The following CCDC122 variants were observed in gnomAD, a reference collection of about 807,000 sequenced individuals.
CCDC122 encodes the protein coiled-coil domain containing 122.
A neutral mutation model predicts 37.0 loss-of-function variants in CCDC122; 38 were observed. The ratio of observed to expected loss-of-function variants is 1.03; its 90% CI spans 0.79 to 1.35. The LOEUF is 1.35. Among genes scored for constraint, CCDC122 ranks in the 40% most tolerant of loss-of-function variants. CCDC122 has a pLI of 0.00. For missense variants in CCDC122, 305 were observed against 310.0 expected (o/e 0.98, Z 0.12); for synonymous variants, 83 against 95.6 (o/e 0.87, Z 0.77).
intron 2 of CCDC122, among the ~76,000 whole-genome samples, chr13:43,871,153 C>T (rs996092623): frequency 2.0e-5 from 3 of 152,076 alleles, no homozygotes; most frequent in African/African-American, 7.2e-5. Context: ...TTCAAGGGTC[C>T]ACTATATTTT....
chr13:43,852,668 C>A (rs4942249), intron 6 of CCDC122, among the ~76,000 whole-genome samples: 30,044 of 151,438 alleles, frequency 0.2, 3,040 homozygotes, highest in African/African-American at 0.24. Flanking sequence ...GAATAGCATC[C>A]CCAAGATGCA....
intron 6 of CCDC122, chr13:43,848,864 T>G: frequency 1.0e-6 from 1 of 975,658 alleles, no homozygotes; most frequent in Non-Finnish European, 1.2e-6. Flanking sequence ...AACAAGGCCA[T>G]GGCTAAAGAT....
intron 6 of CCDC122, among the ~76,000 whole-genome samples, chr13:43,852,472 A>T (rs533999849): frequency 6.6e-6 from 1 of 152,250 alleles, no homozygotes; most frequent in East Asian, 1.9e-4. Context: ...AACCTCTGAG[A>T]AATATTGAAT....
chr13:43,832,470 G>A (rs1953098866), downstream of CCDC122, among the ~76,000 whole-genome samples: 1 of 152,032 alleles, frequency 6.6e-6, no homozygotes. Context: ...AGTTTTAATT[G>A]CAATGTCCTA....
At chr13:43,876,112 T>A (rs571359355) in intron 1 of CCDC122, among the ~76,000 whole-genome samples, 1 of 152,156 alleles carries the variant, frequency 6.6e-6, no homozygotes, top group Non-Finnish European at 1.5e-5. Context: ...CACCAAAATG[T>A]GCAAGGTGCT....
In CCDC122 at chr13:43,868,798, G is replaced by T; in HGVS notation, c.52C>A (p.Gln18Lys). 2.0e-6 allele frequency: 3 copies of T among 1,468,648 alleles called. No homozygotes were observed. Among genetic ancestry groups the T allele is most frequent in the Non-Finnish European group, 2.7e-6 (3 of 1,102,400 alleles). The allele number at this position is 1,468,648 out of a possible 1,614,324, so 91.0% of individuals were successfully genotyped here. The change falls in exon 4 of 7, where the codon CAA (glutamine) becomes AAA (lysine). Residue 18 changes from glutamine (Q) to lysine (K), a missense_variant. Physicochemically the swap from Gln to Lys is moderately conservative, Grantham distance 53. Transcript: ENST00000444614. ...KSQGFPKEDNQDTSSLADAVE... is the reference protein window; with the variant it reads ...KSQGFPKEDNKDTSSLADAVE... Reference sequence around the variant, plus strand: ...GCATCAGCTAATGAACTTGTGTCTTGGTTATCTACAATTAGACAAAAGAAT... The same window carrying T: ...GCATCAGCTAATGAACTTGTGTCTTTGTTATCTACAATTAGACAAAAGAAT...
chr13:43,865,815 C>A (rs1954256841), intron 4 of CCDC122, among the ~76,000 whole-genome samples: 1 of 152,120 alleles, frequency 6.6e-6, no homozygotes, highest in African/African-American at 2.4e-5. Flanking sequence ...TTTGTCCTTA[C>A]CATAGATCTT....
chr13:43,850,399 C>T (rs955214588), intron 6 of CCDC122, among the ~76,000 whole-genome samples: 4 of 152,070 alleles, frequency 2.6e-5, no homozygotes, highest in Non-Finnish European at 4.4e-5. Context: ...AAGCCTCTGT[C>T]ATAAAAATGC....
In CCDC122 at chr13:43,876,088, A is replaced by G. The variant is rs149307480; in HGVS notation, c.-199-1161T>C. ...ACACCTGAAGTCACCAGACAACAGA[A>G]GAGGTAAGTGAACCACCAAAATGTG... is the stretch of plus-strand genomic sequence containing the variant. On this transcript the variant is annotated intron_variant, in intron 1 of 6. Transcript: ENST00000444614. Among the ~76,000 whole-genome samples, 29 of 152,338 alleles carry G rather than the reference A, an allele frequency of 1.9e-4. 1 individual carries two copies. The highest frequency in any genetic ancestry group is 4.3e-4 in the Non-Finnish European group (29 of 68,036).
downstream of CCDC122, among the ~76,000 whole-genome samples, chr13:43,832,471 C>A (rs1953098881): frequency 6.6e-6 from 1 of 152,058 alleles, no homozygotes. Context: ...GTTTTAATTG[C>A]AATGTCCTAT....
At chr13:43,833,489 G>A (rs1354909649), downstream of CCDC122, among the ~76,000 whole-genome samples, 1 of 152,154 alleles carries the variant, frequency 6.6e-6, no homozygotes, top group Non-Finnish European at 1.5e-5. Context: ...TGAGAACCTT[G>A]GAAGAATCCA....
intron 6 of CCDC122, among the ~76,000 whole-genome samples, chr13:43,857,900 C>T (rs1170784033): frequency 6.6e-6 from 1 of 151,974 alleles, no homozygotes; most frequent in Non-Finnish European, 1.5e-5. Context: ...AAGACTCCGT[C>T]TCAAAAATAA....
At chr13:43,859,397 G>A (rs540493289) in intron 5 of CCDC122, among the ~76,000 whole-genome samples, 21 of 152,154 alleles carry the variant, frequency 1.4e-4, no homozygotes, top group Admixed American at 1.2e-3. Context: ...TACAACAAAT[G>A]GATTAATTGT....
chr13:43,837,804 T>C (rs1487882623), intron 6 of CCDC122, among the ~76,000 whole-genome samples: 2 of 152,206 alleles, frequency 1.3e-5, no homozygotes, highest in Non-Finnish European at 2.9e-5. Context: ...GAATACCTTC[T>C]TGTTAAGAGA....
downstream of CCDC122, among the ~76,000 whole-genome samples, chr13:43,833,816 A>C (rs1953113361): frequency 6.6e-6 from 1 of 152,188 alleles, no homozygotes; most frequent in Non-Finnish European, 1.5e-5. Context: ...ATGCAGAAAA[A>C]AAACGAAGAA....
chr13:43,869,239 T>A lies in CCDC122; in HGVS notation c.46+92A>T, dbSNP rs1265295895. 4.3e-6 allele frequency: 4 copies of A among 925,560 alleles called. No individual in the cohort carries two copies. The East Asian group carries it at 9.8e-5, about 23-fold the overall frequency. 57.3% of individuals were successfully genotyped at this position (925,560 alleles called of 1,614,324 possible). On this transcript the variant is annotated intron_variant, in intron 3 of 6. Transcript: ENST00000444614. ...TGTAACTGCTTCCATCTATTCTAAT[T>A]TGCTATCAATTTTAACACAATTATC... is the stretch of plus-strand genomic sequence containing the variant.
chr13:43,846,754 C>T (rs1314970325), intron 6 of CCDC122, among the ~76,000 whole-genome samples: 3 of 152,124 alleles, frequency 2.0e-5, no homozygotes, highest in African/African-American at 7.2e-5. Flanking sequence ...TTTTATCCCT[C>T]GTGTGTGCAG....
chr13:43,845,171 A>T (rs1294516773), intron 6 of CCDC122, among the ~76,000 whole-genome samples: 1 of 152,122 alleles, frequency 6.6e-6, no homozygotes, highest in Non-Finnish European at 1.5e-5. Flanking sequence ...ATTTTAATAT[A>T]TTCTCTTAAC....
chr13:43,820,405 A>G (rs2153867276), downstream of CCDC122, among the ~76,000 whole-genome samples: 1 of 152,316 alleles, frequency 6.6e-6, no homozygotes, highest in East Asian at 1.9e-4. Context: ...GTATGAGACA[A>G]CTTGACACTC....
Sources: allele counts gnomAD v4.1 joint callset (sites outside exome capture counted in the v4.1 genomes callset), GRCh38; gene constraint gnomAD v4.1.1; transcripts MANE v1.5; gene names NCBI Gene and HGNC (gene_info 2026-07-23, HGNC 2026-07-21).